TRPM2: variants seen among roughly 807,000 people sequenced by gnomAD.
TRPM2 encodes estrogen-responsive element-associated gene 1 protein.
In TRPM2, 161 loss-of-function variants were observed where a neutral mutation model predicts 174.0. The ratio of observed to expected loss-of-function variants is 0.93; its 90% CI spans 0.81 to 1.05. TRPM2 has a LOEUF of 1.05. Ranked by LOEUF, TRPM2 falls within the 50% of genes least tolerant of loss-of-function variation. The pLI is 0.00. For missense variants in TRPM2, 2,057 were observed against 2,038.0 expected (o/e 1.01, Z -0.18); for synonymous variants, 954 against 861.3 (o/e 1.11, Z -1.88).
At chr21:44,356,317 G>A (rs1182476215) in intron 2 of TRPM2, among the ~76,000 whole-genome samples, 1 of 151,536 alleles carries the variant, frequency 6.6e-6, no homozygotes, top group African/African-American at 2.4e-5. Context: ...AAGGAGCGGG[G>A]TCTGTAGAGC....
In TRPM2 at chr21:44,390,991, G is replaced by A. The variant is rs745524892; in HGVS notation, c.1406G>A (p.Arg469His). The part of the protein sequence containing the change: ...AVAWNRVDIA[R>H]SEIFMDEWQW... ...GCATGGAATCGCGTGGACATTGCCC[G>A]CAGTGAGATCTTCATGGATGAGTGG... The change falls in exon 10 of 32, where the codon CGC becomes CAC. Residue 469 changes from arginine to histidine, a missense_variant. Arg to His is a conservative substitution (Grantham distance 29). Coordinates refer to ENST00000397928, the MANE Select transcript of TRPM2 (RefSeq NM_003307.4). The A allele has an allele frequency of 2.5e-5, 40 of 1,614,084 alleles. No individual in the cohort carries two copies. Among genetic ancestry groups the A allele is most frequent in the African/African-American group, 2.0e-4 (15 of 75,048 alleles).
At chr21:44,363,081 A>T (rs570941929) in intron 2 of TRPM2, among the ~76,000 whole-genome samples, 1,529 of 152,290 alleles carry the variant, frequency 0.01, 12 homozygotes, top group South Asian at 0.035. Context: ...CGCTTTTAAA[A>T]GTTTTTATTT....
At chr21:44,375,706 A>G in intron 5 of TRPM2, 127 bp from the exon 6 acceptor site, 1 of 1,144,578 alleles carries the variant, frequency 8.7e-7, no homozygotes, top group Non-Finnish European at 1.2e-6. Context: ...CGCTTTCTCC[A>G]ATAAGGCCAC....
chr21:44,405,922 T>A lies in TRPM2; in HGVS notation c.2675T>A (p.Leu892Gln). Residue 892 changes from leucine to glutamine, a missense_variant, in exon 18 of 32, where the codon CTG (leucine) becomes CAG (glutamine). Coordinates refer to ENST00000397928, the MANE Select transcript of TRPM2 (RefSeq NM_003307.4). ...GLTCRLIPAT[L>Q]YPGRVILSLD... ...GCGGCCAGGCTCATCCCGGCGACGC[T>A]GTACCCCGGGCGCGTCATCCTCTCT... The A allele has an allele frequency of 6.2e-7, 1 of 1,604,994 alleles. No individual in the cohort carries two copies. Among genetic ancestry groups the A allele is most frequent in the Non-Finnish European group, 8.5e-7 (1 of 1,179,656 alleles).
rs544585594 is a variant in TRPM2, at chr21:44,380,496, G to T, written c.1215+1299G>T. 7.7e-4 allele frequency among the ~76,000 whole-genome samples: 117 copies of T among 152,322 alleles called. 1 individual carries two copies. The South Asian group carries it at 0.024, about 31-fold the overall frequency. On this transcript the variant is annotated intron_variant, in intron 8 of 31. Transcript: ENST00000397928. ...GTTTAATCTGCTGTTGTTGAAAGGT[G>T]CCTATTTTTAATGCACTCTCCATAG... is the stretch of plus-strand genomic sequence containing the variant.
chr21:44,429,168 A>G (rs1490751163), intron 27 of TRPM2, among the ~76,000 whole-genome samples: 4 of 151,864 alleles, frequency 2.6e-5, no homozygotes, highest in Non-Finnish European at 5.9e-5. Context: ...GTCCTTCCCT[A>G]AAGTTTTATA....
At chr21:44,388,751 G>A (rs985907496) in intron 9 of TRPM2, among the ~76,000 whole-genome samples, 1 of 151,624 alleles carries the variant, frequency 6.6e-6, no homozygotes, top group Non-Finnish European at 1.5e-5. Flanking sequence ...AGCCCAGGAC[G>A]TTGAGGCTGC....
Position 44,366,985 on chromosome 21 carries a change from T to C in TRPM2, c.604+51T>C. 2.0e-6 allele frequency: 3 copies of C among 1,525,154 alleles called. No individual in the cohort carries two copies. Among genetic ancestry groups the C allele is most frequent in the African/African-American group, 1.4e-5 (1 of 72,444 alleles). The allele number at this position is 1,525,154 out of a possible 1,614,324, so 94.5% of individuals were successfully genotyped here. A position where few individuals can be genotyped will look rare whatever the true frequency, so the allele number is the denominator to read the frequency against. ...AGGCCCCGGCGGGTGGGGTGGGCTG[T>C]GGAGGCAGTGCTGGGGCAATCAGGG... On this transcript the variant is annotated intron_variant, in intron 4 of 31. Coordinates refer to ENST00000397928, the MANE Select transcript of TRPM2 (RefSeq NM_003307.4). The surrounding 1 kb of genome is among the most constrained non-coding windows in gnomAD (Gnocchi z 6.0).
intron 27 of TRPM2, 66 bp downstream of exon 27, chr21:44,427,177 T>A: frequency 7.4e-7 from 1 of 1,350,530 alleles, no homozygotes; most frequent in Non-Finnish European, 1.0e-6. Context: ...GCAGGTTTCC[T>A]CTCTGGGCAA....
chr21:44,354,781 C>T lies in TRPM2; in HGVS notation c.254+45C>T, dbSNP rs374742193. 74 of 1,573,290 alleles carry T rather than the reference C, an allele frequency of 4.7e-5. No homozygotes were observed. Among genetic ancestry groups the T allele is most frequent in the East Asian group, 1.3e-4 (6 of 44,676 alleles). ...TGTAAGACCTCTGACTTCTTCCTTCCGATCCCACATGGAGTAGCTGATCAG... is the reference window on the plus strand; with the variant it reads ...TGTAAGACCTCTGACTTCTTCCTTCTGATCCCACATGGAGTAGCTGATCAG... On this transcript the variant is annotated intron_variant, in intron 2 of 31. Coordinates refer to ENST00000397928, the MANE Select transcript of TRPM2 (RefSeq NM_003307.4). This position sits in a 1 kb window ranked among gnomAD's most constrained non-coding sequence, Gnocchi z 4.3.
Position 44,424,926 on chromosome 21 carries a change from C to T in TRPM2, c.3624C>T (p.Asp1208=), listed in dbSNP as rs148255760. The T allele has an allele frequency of 3.6e-5, 58 of 1,604,392 alleles. No individual in the cohort carries two copies. Among genetic ancestry groups the T allele is most frequent in the African/African-American group, 1.7e-4 (13 of 74,780 alleles). ...LRASGFSSEA[D]VPTLASQKAA... is the part of the protein sequence containing the mutation. ...CCAGCGGCTTCAGCTCGGAGGCGGA[C>T]GTCCCCACTCTGGGTGAGTGGGTGG... The change falls in exon 24 of 32, where the codon GAC becomes GAT. Residue 1208 remains aspartate, a synonymous_variant. Transcript: ENST00000397928.
rs1319414687 is a variant in TRPM2 at position 44,364,040 on chromosome 21, G to T, written c.255-74G>T. ...GGGGAAGGTTGCGGCTTTCCACTGG[G>T]CCTCCTCTGATGCCTTCACAGGGAG... is the stretch of plus-strand genomic sequence containing the variant. On this transcript the variant is annotated intron_variant, in intron 2 of 31. Transcript: ENST00000397928. 7 of 1,491,910 alleles carry T rather than the reference G, an allele frequency of 4.7e-6. No individual in the cohort carries two copies. In the Admixed American group the frequency reaches 9.1e-5, roughly 19 times the overall value. The allele number at this position is 1,491,910 out of a possible 1,614,324, so 92.4% of individuals were successfully genotyped here.
chr21:44,376,095 A>C lies in TRPM2; in HGVS notation c.952+82A>C. On this transcript the variant is annotated intron_variant, in intron 6 of 31. Transcript: ENST00000397928. The surrounding 1 kb of genome is among the most constrained non-coding windows in gnomAD (Gnocchi z 4.2). Reference sequence around the variant, plus strand: ...GTGTCAGGTACAGCTGGTCACGACCAGGACGTTCAACAGGCCTGGCGTTTG... The same window carrying C: ...GTGTCAGGTACAGCTGGTCACGACCCGGACGTTCAACAGGCCTGGCGTTTG... 1 of 1,513,702 alleles carries C rather than the reference A, an allele frequency of 6.6e-7. No homozygotes were observed. Among genetic ancestry groups the C allele is most frequent in the Non-Finnish European group, 9.0e-7 (1 of 1,116,914 alleles). 93.8% of individuals were successfully genotyped at this position (1,513,702 alleles called of 1,614,324 possible). A position where few individuals can be genotyped will look rare whatever the true frequency, so the allele number is the denominator to read the frequency against.
Position 44,364,065 on chromosome 21 carries a change from G to A in TRPM2, c.255-49G>A, listed in dbSNP as rs570118197. The A allele has an allele frequency of 1.3e-4, 200 of 1,581,066 alleles. 2 individuals are homozygous for A. The South Asian group carries it at 2.3e-3, about 18-fold the overall frequency. ...GCCTCCTCTGATGCCTTCACAGGGA[G>A]CAGGAAGGGCACCACACTCCCTGGG... On this transcript the variant is annotated intron_variant, in intron 2 of 31. Transcript: ENST00000397928.
intron 16 of TRPM2, among the ~76,000 whole-genome samples, chr21:44,403,613 GCA>G (rs1166147548): frequency 1.0e-4 from 15 of 148,570 alleles, no homozygotes; most frequent in East Asian, 4.0e-4. Context: ...ACACACATAG[GCA>G]CACACATTCA....
chr21:44,371,006 G>T (rs1285808669), intron 5 of TRPM2, among the ~76,000 whole-genome samples: 3 of 152,228 alleles, frequency 2.0e-5, no homozygotes, highest in Non-Finnish European at 2.9e-5. Context: ...TCCCGGGGCT[G>T]CTGTAACCCA....
intron 19 of TRPM2, among the ~76,000 whole-genome samples, chr21:44,407,539 T>C (rs2049948542): frequency 6.7e-6 from 1 of 150,030 alleles, no homozygotes; most frequent in Non-Finnish European, 1.5e-5. Flanking sequence ...TTTCAGTATC[T>C]TTACAGAATC....
rs745678327 is a variant in TRPM2, at chr21:44,417,910, T to G, written c.3147-17T>G. 1 of 1,605,926 alleles carries G rather than the reference T, an allele frequency of 6.2e-7. No homozygotes were observed. The highest frequency in any genetic ancestry group is 1.1e-5 in the South Asian group (1 of 90,974). On this transcript the variant is annotated splice_polypyrimidine_tract_variant and intron_variant, in intron 20 of 31. Transcript: ENST00000397928. ...AAACACCCTGACCTCGAGGTGTTGC[T>G]TTCTCCTCCCTGACAGCTACACCTT...
Position 44,354,534 on chromosome 21 carries a change from C to T in TRPM2, c.166-114C>T. The T allele has an allele frequency of 1.1e-6, 1 of 926,420 alleles. No individual in the cohort carries two copies. The highest frequency in any genetic ancestry group is 1.6e-5 in the African/African-American group (1 of 60,640). The allele number at this position is 926,420 out of a possible 1,614,324, so 57.4% of individuals were successfully genotyped here. A position where few individuals can be genotyped will look rare whatever the true frequency, so the allele number is the denominator to read the frequency against. ...TTTGGCTCAGGGTCGCGCAGGCTTC[C>T]TTCCTTCAAGCAAATAGTGTGAAAG... On this transcript the variant is annotated intron_variant, in intron 1 of 31. Transcript: ENST00000397928. This position sits in a 1 kb window ranked among gnomAD's most constrained non-coding sequence, Gnocchi z 4.3.
Sources: gnomAD v4.1 joint callset for allele counts (sites outside exome capture counted in the v4.1 genomes callset) on GRCh38, gnomAD v4.1.1 for gene constraint, Gnocchi (gnomAD v3.1) non-coding constraint, MANE v1.5 for transcripts, NCBI Gene and HGNC (gene_info 2026-07-23, HGNC 2026-07-21) for gene names.